Variants in ENG observed in about 807,000 individuals in gnomAD.
The protein encoded by ENG is endoglin.
ENG carries 17 observed loss-of-function variants against 71.0 expected under a neutral mutation model. The observed-to-expected ratio is 0.24, with a 90% confidence interval of 0.16 to 0.36. The LOEUF is 0.36. Ranked by LOEUF, ENG falls within the 10% of genes least tolerant of loss-of-function variation. ENG has a pLI of 1.00. For missense variants in ENG, 749 were observed against 868.3 expected (o/e 0.86, Z 1.73); for synonymous variants, 360 against 366.9 (o/e 0.98, Z 0.21).
intron 8 of ENG, among the ~76,000 whole-genome samples, chr9:127,820,858 C>T (rs1830453134): frequency 6.6e-6 from 1 of 151,664 alleles, no homozygotes; most frequent in Admixed American, 6.6e-5. Flanking sequence ...ATATATATTC[C>T]TTCAAGTTCC....
intron 1 of ENG, among the ~76,000 whole-genome samples, chr9:127,853,174 T>C (rs190806980): frequency 6.6e-6 from 1 of 152,300 alleles, no homozygotes; most frequent in Non-Finnish European, 1.5e-5. Context: ...TCACTTAATA[T>C]GTCTGAGACT....
chr9:127,820,172 T>C, intron 8 of ENG, 135 bp from the exon 9 acceptor site: 4 of 1,253,994 alleles, frequency 3.2e-6, no homozygotes, highest in Non-Finnish European at 4.3e-6. Flanking sequence ...CTCTTCATTT[T>C]TGTTAGATGT....
intron 12 of ENG, chr9:127,817,841 G>T: frequency 1.8e-6 from 1 of 558,366 alleles, no homozygotes; most frequent in Non-Finnish European, 3.2e-6. Flanking sequence ...AGGGTGGATG[G>T]ATGGATGGAC....
chr9:127,843,678 TATATACATAC>T (rs1257373229), intron 1 of ENG, among the ~76,000 whole-genome samples: 1 of 32,576 alleles, frequency 3.1e-5, no homozygotes, highest in African/African-American at 6.7e-5. Flanking sequence ...TAGATCTACA[TATATACATAC>T]ATATATACAT....
chr9:127,854,274 T>A lies in ENG; in HGVS notation c.67+15A>T. 6.3e-7 allele frequency: 1 copy of A among 1,576,840 alleles called. No homozygotes were observed. ...GGAGGCCGAGTCTCCCCACCCTGGGTCCCTGGACACCTACTTGTGGGGCTG... is the reference window on the plus strand; with the variant it reads ...GGAGGCCGAGTCTCCCCACCCTGGGACCCTGGACACCTACTTGTGGGGCTG... On this transcript the variant is annotated intron_variant, in intron 1 of 14. Transcript: ENST00000373203.
chr9:127,852,804 G>A (rs1025568974), intron 1 of ENG, among the ~76,000 whole-genome samples: 1 of 151,924 alleles, frequency 6.6e-6, no homozygotes, highest in East Asian at 1.9e-4. Flanking sequence ...ATCCACAAAC[G>A]CTACAAATTG....
intron 2 of ENG, among the ~76,000 whole-genome samples, chr9:127,834,694 C>A (rs375421932): frequency 6.6e-6 from 1 of 151,688 alleles, no homozygotes; most frequent in Non-Finnish European, 1.5e-5. Context: ...TGTGCCACCA[C>A]GCCCAGCCTA....
chr9:127,822,618 A>C (rs1319884528), intron 8 of ENG: 2 of 152,266 alleles, frequency 1.3e-5, no homozygotes, highest in Non-Finnish European at 2.9e-5. Context: ...ATGATGGAAT[A>C]ATATGTGCTT....
At chr9:127,835,630 G>T (rs926040722) in intron 2 of ENG, among the ~76,000 whole-genome samples, 1 of 152,184 alleles carries the variant, frequency 6.6e-6, no homozygotes, top group Non-Finnish European at 1.5e-5. Context: ...CCCTGAGTGG[G>T]GATGAAGGAG....
At chr9:127,848,698 A>G (rs1035689193) in intron 1 of ENG, among the ~76,000 whole-genome samples, 1 of 152,128 alleles carries the variant, frequency 6.6e-6, no homozygotes, top group African/African-American at 2.4e-5. Flanking sequence ...CAGACCATAC[A>G]TGCCCAGGTG....
intron 8 of ENG, 30 bp downstream of exon 8, chr9:127,824,274 C>A: frequency 6.2e-7 from 1 of 1,613,994 alleles, no homozygotes; most frequent in South Asian, 1.1e-5. Context: ...TCCATGTCAT[C>A]CTGAGCCAGA....
At chr9:127,842,513 CTCACTGGT>C (rs889619277) in intron 2 of ENG, among the ~76,000 whole-genome samples, 1 of 152,106 alleles carries the variant, frequency 6.6e-6, no homozygotes, top group Non-Finnish European at 1.5e-5. Flanking sequence ...CAACCTCCAA[CTCACTGGT>C]TCAAGCAATT....
Position 127,825,702 on chromosome 9 carries a change from A to T in ENG, c.682T>A (p.Ser228Thr), listed in dbSNP as rs2131888946. ...GCGGGGCGAGAGCCATACCCGGCCG[A>T]GTGGCCCGGCAGGACCCTCAGGATG... ...AHILRVLPGH[S>T]AGPRTVTVKV... The change falls in exon 5 of 15, where the codon TCG (serine) becomes ACG (threonine). Residue 228 changes from serine to threonine, a missense_variant. Transcript: ENST00000373203. 1.3e-6 allele frequency: 2 copies of T among 1,583,212 alleles called. No homozygotes were observed. Among genetic ancestry groups the T allele is most frequent in the Non-Finnish European group, 8.6e-7 (1 of 1,168,156 alleles).
At chr9:127,828,064 C>T (rs75173168) in intron 3 of ENG, among the ~76,000 whole-genome samples, 1,644 of 149,774 alleles carry the variant, frequency 0.011, 16 homozygotes, top group Non-Finnish European at 0.015. Flanking sequence ...CCTGCCTCGG[C>T]TTACCAAAGT....
rs1294991541 is a variant in ENG at position 127,818,266 on chromosome 9, C to T, written c.1540G>A (p.Gly514Ser). The T allele has an allele frequency of 3.1e-6, 5 of 1,614,190 alleles. No individual in the cohort carries two copies. Among genetic ancestry groups the T allele is most frequent in the East Asian group, 2.2e-5 (1 of 44,878 alleles). The change falls in exon 12 of 15, where the codon GGC (glycine) becomes AGC (serine). Residue 514 changes from glycine to serine, a missense_variant. Coordinates refer to ENST00000373203, the MANE Select transcript of ENG (RefSeq NM_001114753.3). Reference sequence around the variant, plus strand: ...GGGGACAGCAGGCTCACACAGTTGCCCTTGGCCGCCCGGCCCTGGATGAGT... The same window carrying T: ...GGGGACAGCAGGCTCACACAGTTGCTCTTGGCCGCCCGGCCCTGGATGAGT... ...VELIQGRAAK[G>S]NCVSLLSPSP...
chr9:127,818,810 A>C lies in ENG; in HGVS notation c.1334T>G (p.Met445Arg). Residue 445 changes from methionine (M) to arginine (R), a missense_variant, in exon 11 of 15, where the codon ATG (methionine) becomes AGG (arginine). Transcript: ENST00000373203. Reference sequence around the variant, plus strand: ...GCCCAGCTGGAAAGAGAGGCTGTCCATGTTGAGGCAGTGCACCTTTTTCTG... The same window carrying C: ...GCCCAGCTGGAAAGAGAGGCTGTCCCTGTTGAGGCAGTGCACCTTTTTCTG... The part of the protein sequence containing the change: ...PQRKKVHCLN[M>R]DSLSFQLGLY... 6.2e-7 allele frequency: 1 copy of C among 1,614,020 alleles called. No homozygotes were observed. The highest frequency in any genetic ancestry group is 2.2e-5 in the East Asian group (1 of 44,864).
At chr9:127,835,678 G>A (rs1219255313) in intron 2 of ENG, among the ~76,000 whole-genome samples, 1 of 152,136 alleles carries the variant, frequency 6.6e-6, no homozygotes, top group Non-Finnish European at 1.5e-5. Flanking sequence ...CTCCGCCACT[G>A]TCCCTGTTCC....
intron 2 of ENG, chr9:127,841,030 C>G (rs1831017790): frequency 6.6e-6 from 1 of 152,510 alleles, no homozygotes; most frequent in Admixed American, 6.5e-5. Context: ...GAACCTCTAG[C>G]TCCTGCCACC....
chr9:127,822,994 C>CCA lies in ENG; in HGVS notation c.1134+1308_1134+1309dup, dbSNP rs1380793096. On this transcript the variant is annotated intron_variant, in intron 8 of 14. Transcript: ENST00000373203. The stretch of plus-strand genomic sequence containing the variant: ...TAGCTGGGACTACAGGCGTGCACCA[C>CCA]CACGTCCGGCTAATTTTTTCTATTT... Among the ~76,000 whole-genome samples the CCA allele has an allele frequency of 2.0e-5, 3 of 152,022 alleles. No individual in the cohort carries two copies. In the East Asian group the frequency reaches 5.8e-4, roughly 29 times the overall value.
Sources: allele counts gnomAD v4.1 joint callset (sites outside exome capture counted in the v4.1 genomes callset), GRCh38; gene constraint gnomAD v4.1.1; transcripts MANE v1.5; gene names NCBI Gene and HGNC (gene_info 2026-07-23, HGNC 2026-07-21).